The following PDSS2 variants were observed in gnomAD, a reference collection of about 807,000 sequenced individuals.
PDSS2 encodes decaprenyl diphosphate synthase subunit 2, also known as all trans-polyprenyl-diphosphate synthase PDSS2.
A neutral mutation model predicts 44.5 loss-of-function variants in PDSS2; 31 were observed. The observed-to-expected ratio is 0.70, with a 90% confidence interval of 0.52 to 0.94. PDSS2 has a LOEUF of 0.94. PDSS2 is among the 40% of genes least tolerant of loss of function. The probability of loss-of-function intolerance (pLI) is 0.00; values close to 1 mark genes in which losing one functional copy is unlikely to be tolerated. For synonymous variants in PDSS2, 157 were observed against 180.3 expected, an observed-to-expected ratio of 0.87 and a Z score of 1.03; for missense variants, 452 against 482.2, an observed-to-expected ratio of 0.94 and a Z score of 0.59.
intron 7 of PDSS2, among the ~76,000 whole-genome samples, chr6:107,159,310 C>T (rs1311791203): frequency 9.9e-4 from 67 of 67,348 alleles, no homozygotes; most frequent in African/African-American, 3.7e-3. Context: ...GGGAGGGAGG[C>T]GGAAGGGAGG....
intron 4 of PDSS2, among the ~76,000 whole-genome samples, chr6:107,232,679 C>A (rs1774090439): frequency 6.6e-6 from 1 of 152,166 alleles, no homozygotes; most frequent in Non-Finnish European, 1.5e-5. Context: ...GAGATGTGAG[C>A]TCCATGGGGG....
chr6:107,258,835 T>C (rs1171056054), intron 3 of PDSS2, among the ~76,000 whole-genome samples: 2 of 152,186 alleles, frequency 1.3e-5, no homozygotes, highest in African/African-American at 4.8e-5. Context: ...CCCCTATCAA[T>C]GTTTGTATTG....
Position 107,345,728 on chromosome 6 carries a change from A to C in PDSS2, c.297-11396T>G, listed in dbSNP as rs1447245905. Among the ~76,000 whole-genome samples the C allele has an allele frequency of 7.2e-5, 11 of 152,272 alleles. No individual in the cohort carries two copies. The South Asian group carries it at 1.7e-3, about 23-fold the overall frequency. On this transcript the variant is annotated intron_variant, in intron 1 of 7. Coordinates refer to ENST00000369037, the MANE Select transcript of PDSS2 (RefSeq NM_020381.4). Reference sequence around the variant, plus strand: ...AATATGTTTAAAAATGAATGGAAAAACATTCAAAATGTAAAACTATATTAT... The same window carrying C: ...AATATGTTTAAAAATGAATGGAAAACCATTCAAAATGTAAAACTATATTAT...
At chr6:107,158,611 T>G (rs1770999504) in intron 7 of PDSS2, among the ~76,000 whole-genome samples, 1 of 152,256 alleles carries the variant, frequency 6.6e-6, no homozygotes, top group Admixed American at 6.5e-5. Context: ...TAGGTTTCCT[T>G]GGTCTCTTGC....
intron 6 of PDSS2, among the ~76,000 whole-genome samples, chr6:107,204,459 A>G (rs905567096): frequency 1.3e-5 from 2 of 152,214 alleles, no homozygotes; most frequent in Non-Finnish European, 1.5e-5. Context: ...TCTTTTAAAT[A>G]TAGTTATTAC....
intron 1 of PDSS2, among the ~76,000 whole-genome samples, chr6:107,446,154 AAAAATAC>A (rs769483807): frequency 2.0e-4 from 30 of 152,134 alleles, no homozygotes; most frequent in Admixed American, 5.2e-4. Context: ...CATCTCTACT[AAAAATAC>A]AAAAGTTAGC....
intron 1 of PDSS2, among the ~76,000 whole-genome samples, chr6:107,376,652 T>C (rs990955057): frequency 1.3e-5 from 2 of 152,066 alleles, no homozygotes; most frequent in Non-Finnish European, 2.9e-5. Flanking sequence ...CTTAAGGAGA[T>C]TTTGGGCTGA....
intron 2 of PDSS2, among the ~76,000 whole-genome samples, chr6:107,298,842 G>T: frequency 6.6e-6 from 1 of 152,032 alleles, no homozygotes; most frequent in Non-Finnish European, 1.5e-5. Flanking sequence ...AAGTTAACAA[G>T]AAACATATAC....
intron 7 of PDSS2, among the ~76,000 whole-genome samples, chr6:107,190,248 A>G (rs1456039164): frequency 6.6e-6 from 1 of 152,150 alleles, no homozygotes; most frequent in African/African-American, 2.4e-5. Flanking sequence ...AATCTTCTTA[A>G]CCCTGCTGAT....
At chr6:107,403,416 G>A (rs1267794409) in intron 1 of PDSS2, among the ~76,000 whole-genome samples, 1 of 152,204 alleles carries the variant, frequency 6.6e-6, no homozygotes, top group African/African-American at 2.4e-5. Context: ...CAGGCACATG[G>A]TTCAAGTTGT....
chr6:107,349,135 T>C (rs907408101), intron 1 of PDSS2, among the ~76,000 whole-genome samples: 1 of 152,196 alleles, frequency 6.6e-6, no homozygotes, highest in African/African-American at 2.4e-5. Flanking sequence ...CTTTAGGGTA[T>C]ATAAATTACA....
chr6:107,279,228 A>C (rs1775885087), intron 2 of PDSS2, among the ~76,000 whole-genome samples: 1 of 152,190 alleles, frequency 6.6e-6, no homozygotes, highest in Non-Finnish European at 1.5e-5. Flanking sequence ...CAAAATAAAA[A>C]TAAAAATAAA....
At chr6:107,207,078 C>T (rs571396444) in intron 6 of PDSS2, among the ~76,000 whole-genome samples, 78 of 151,902 alleles carry the variant, frequency 5.1e-4, no homozygotes, top group Admixed American at 3.0e-3. Context: ...CTGCAACCTC[C>T]GCTTCCTGGG....
At chr6:107,389,903 G>C (rs773287367) in intron 1 of PDSS2, among the ~76,000 whole-genome samples, 1 of 152,102 alleles carries the variant, frequency 6.6e-6, no homozygotes, top group Non-Finnish European at 1.5e-5. Context: ...AGATAAACCA[G>C]AGTATCTTGT....
chr6:107,304,501 T>G (rs1212170225), intron 2 of PDSS2, among the ~76,000 whole-genome samples: 6 of 152,216 alleles, frequency 3.9e-5, no homozygotes, highest in Admixed American at 3.9e-4. Context: ...TAGAGCCAGG[T>G]TGCCTAGATT....
chr6:107,304,751 T>C (rs376008657), intron 2 of PDSS2, among the ~76,000 whole-genome samples: 1 of 152,248 alleles, frequency 6.6e-6, no homozygotes, highest in Admixed American at 6.5e-5. Context: ...AATAAATCTT[T>C]AGAGAAAAGT....
chr6:107,384,027 C>G (rs544933675), intron 1 of PDSS2, among the ~76,000 whole-genome samples: 1 of 152,266 alleles, frequency 6.6e-6, no homozygotes, highest in Non-Finnish European at 1.5e-5. Context: ...TATCCATTAG[C>G]TAATCAACTG....
At chr6:107,363,155 A>G (rs545781025) in intron 1 of PDSS2, among the ~76,000 whole-genome samples, 111 of 152,360 alleles carry the variant, frequency 7.3e-4, no homozygotes, top group African/African-American at 2.4e-3. Context: ...AATTTGATGA[A>G]AACTGTTAAT....
intron 2 of PDSS2, among the ~76,000 whole-genome samples, chr6:107,309,645 G>T (rs1239822765): frequency 6.6e-6 from 1 of 152,126 alleles, no homozygotes; most frequent in Non-Finnish European, 1.5e-5. Context: ...GTGTGCCACA[G>T]GTGGCTTATG....
Sources: gnomAD v4.1 joint callset for allele counts (sites outside exome capture counted in the v4.1 genomes callset) on GRCh38, gnomAD v4.1.1 for gene constraint, MANE v1.5 for transcripts, NCBI Gene and HGNC (gene_info 2026-07-23, HGNC 2026-07-21) for gene names.